Variants in FBLN5 observed in about 807,000 individuals in gnomAD.
The protein encoded by FBLN5 is fibulin-5.
Under a neutral mutation model 61.6 loss-of-function variants are expected in FBLN5, and 24 were observed. The ratio of observed to expected loss-of-function variants is 0.39; its 90% CI spans 0.28 to 0.55. The LOEUF (loss-of-function observed/expected upper bound fraction) is 0.55. FBLN5 is among the 20% of genes least tolerant of loss of function. The pLI, the probability that FBLN5 is intolerant of heterozygous loss-of-function variation, is 0.65. For synonymous variants in FBLN5, 213 were observed against 219.8 expected (o/e 0.97, Z 0.27); for missense variants, 470 against 594.1 (o/e 0.79, Z 2.17).
chr14:91,919,345 A>AAAAAG (rs2055685348), intron 4 of FBLN5, among the ~76,000 whole-genome samples: 1 of 113,246 alleles, frequency 8.8e-6, no homozygotes. Flanking sequence ...AAAAGAAAAA[A>AAAAAG]AAAAAGAAAA....
intron 4 of FBLN5, among the ~76,000 whole-genome samples, chr14:91,916,322 C>T (rs1367630698): frequency 6.6e-6 from 1 of 152,152 alleles, no homozygotes; most frequent in East Asian, 1.9e-4. Flanking sequence ...GTGGCCGGTG[C>T]CTGTAATCCC....
chr14:91,899,604 A>G (rs1890374806), intron 4 of FBLN5, among the ~76,000 whole-genome samples: 1 of 152,180 alleles, frequency 6.6e-6, no homozygotes, highest in African/African-American at 2.4e-5. Flanking sequence ...ATCAAAACCC[A>G]TCAATATCAC....
In FBLN5 at chr14:91,881,169, C is replaced by T. The variant is rs117828760; in HGVS notation, c.989+123G>A. 523 of 959,554 alleles carry T rather than the reference C, an allele frequency of 5.5e-4. 2 individuals carry two copies. The East Asian group carries it at 0.01, about 18-fold the overall frequency. The allele number at this position is 959,554 out of a possible 1,614,324, so 59.4% of individuals were successfully genotyped here. A position where few individuals can be genotyped will look rare whatever the true frequency, so the allele number is the denominator to read the frequency against. On this transcript the variant is annotated intron_variant, in intron 9 of 10. Coordinates refer to ENST00000342058, the MANE Select transcript of FBLN5 (RefSeq NM_006329.4). ...CACACACACACGCATGAGCACATGA[C>T]GTAGGTAGTAGGCCAGGTCCCCTCA...
At chr14:91,926,425 C>G (rs1295339508) in intron 4 of FBLN5, among the ~76,000 whole-genome samples, 1 of 152,142 alleles carries the variant, frequency 6.6e-6, no homozygotes, top group African/African-American at 2.4e-5. Flanking sequence ...CATGTGTCCA[C>G]AGAGGATGGC....
Position 91,894,402 on chromosome 14 carries a change from C to CAAAA in FBLN5, c.502+544_502+547dup, listed in dbSNP as rs58035118. ...TGGGCAACAGAGGGAGACACCATAT[C>CAAAA]AAAAAAAAAAAAAAAAAAAAAAAAA... On this transcript the variant is annotated intron_variant, in intron 5 of 10. Transcript: ENST00000342058. Among the ~76,000 whole-genome samples, 49 of 34,370 alleles carry CAAAA rather than the reference C, an allele frequency of 1.4e-3. 2 individuals are homozygous for CAAAA. Among genetic ancestry groups the CAAAA allele is most frequent in the African/African-American group, 2.1e-3 (18 of 8,502 alleles). 22.5% of individuals were successfully genotyped at this position (34,370 alleles called of 152,430 possible).
At position 91,910,507 on chromosome 14, in the gene FBLN5, T is replaced by C. The variant is rs1267293775; in HGVS notation, c.380-15435A>G. Among the ~76,000 whole-genome samples the C allele has an allele frequency of 3.3e-5, 5 of 152,212 alleles. No individual in the cohort carries two copies. In the South Asian group the frequency reaches 8.3e-4, roughly 25 times the overall value. ...ACTTGAAAACGGTCAAGATAATACA[T>C]TTCTTGTTACGCATTTTTACTACAA... On this transcript the variant is annotated intron_variant, in intron 4 of 10. Transcript: ENST00000342058.
At position 91,895,141 on chromosome 14, in the gene FBLN5, C is replaced by T. The variant is rs568557554; in HGVS notation, c.380-69G>A. 8.8e-6 allele frequency: 14 copies of T among 1,594,158 alleles called. No individual in the cohort carries two copies. The Admixed American group carries it at 1.3e-4, about 15-fold the overall frequency. The stretch of plus-strand genomic sequence containing the variant: ...TAGAGCCCTGGAGCCACCAGGGGTG[C>T]CAGTGGCTCATCTTGGCTGGGAGGC... On this transcript the variant is annotated intron_variant, in intron 4 of 10. Coordinates refer to ENST00000342058, the MANE Select transcript of FBLN5 (RefSeq NM_006329.4).
At chr14:91,891,046 C>T (rs958565721) in intron 6 of FBLN5, among the ~76,000 whole-genome samples, 175 bp downstream of exon 6, 4 of 152,174 alleles carry the variant, frequency 2.6e-5, no homozygotes, top group Admixed American at 6.5e-5. Context: ...TGAGATGCTT[C>T]GCATAGCAAG....
rs1408560355 is a variant in FBLN5, at chr14:91,869,954, C to G, written c.*270G>C. ...GAAAATAGTGGAAATAAACTGAAGG[C>G]CTTGAAAATTCACCAACAATCTTCT... On this transcript the variant is annotated 3_prime_UTR_variant, in exon 11 of 11. Transcript: ENST00000342058. The G allele has an allele frequency of 4.2e-6, 2 of 474,314 alleles. No homozygotes were observed. The highest frequency in any genetic ancestry group is 4.2e-5 in the East Asian group (1 of 23,928). 29.4% of individuals were successfully genotyped at this position (474,314 alleles called of 1,614,324 possible).
Position 91,870,256 on chromosome 14 carries a change from G to A in FBLN5, c.1315C>T (p.Leu439=). The A allele has an allele frequency of 6.2e-7, 1 of 1,614,246 alleles. No homozygotes were observed. The highest frequency in any genetic ancestry group is 8.5e-7 in the Non-Finnish European group (1 of 1,180,034). ...GGGTACTGCGACACATATATCCGCA[G>A]TCGGATCACGGAGCTGCCTCTGAAG... ...INFRGSSVIR[L]RIYVSQYPF is the part of the protein sequence containing the mutation. The change falls in exon 11 of 11, where the codon CTG becomes TTG. Residue 439 remains leucine (L), a synonymous_variant. Transcript: ENST00000342058.
At chr14:91,879,814 C>G (rs947637541) in intron 9 of FBLN5, among the ~76,000 whole-genome samples, 5 of 152,212 alleles carry the variant, frequency 3.3e-5, no homozygotes, top group African/African-American at 1.2e-4. Context: ...CCATGAATTC[C>G]TCTCTTAGAG....
At position 91,914,089 on chromosome 14, in the gene FBLN5, T is replaced by G. The variant is rs553390602; in HGVS notation, c.380-19017A>C. 2.0e-5 allele frequency among the ~76,000 whole-genome samples: 3 copies of G among 152,338 alleles called. No homozygotes were observed. In the South Asian group the frequency reaches 6.2e-4, roughly 32 times the overall value. ...CATGCACAGTTGCTCATATCTGTAA[T>G]CCTAGCACTTTGGGAGGCCAAGGCA... On this transcript the variant is annotated intron_variant, in intron 4 of 10. Coordinates refer to ENST00000342058, the MANE Select transcript of FBLN5 (RefSeq NM_006329.4).
At chr14:91,907,094 CAACCAAA>C (rs1267687638) in intron 4 of FBLN5, among the ~76,000 whole-genome samples, 1 of 152,196 alleles carries the variant, frequency 6.6e-6, no homozygotes, top group Non-Finnish European at 1.5e-5. Flanking sequence ...TCTATTCTCC[CAACCAAA>C]GACTGCATTT....
chr14:91,928,357 G>T (rs2055864087), intron 4 of FBLN5, among the ~76,000 whole-genome samples: 2 of 152,172 alleles, frequency 1.3e-5, no homozygotes, highest in Admixed American at 1.3e-4. Context: ...AACCTGTTTG[G>T]CAGACTGCTA....
At chr14:91,896,821 C>T (rs1321001055) in intron 4 of FBLN5, among the ~76,000 whole-genome samples, 7 of 152,212 alleles carry the variant, frequency 4.6e-5, no homozygotes, top group Admixed American at 4.6e-4. Flanking sequence ...AGATTGCAGA[C>T]TTGATCATCA....
Position 91,940,498 on chromosome 14 carries a change from G to T in FBLN5, c.124+67C>A, listed in dbSNP as rs968827105. ...GGCTAATCATTGAACAACAGAGAAA[G>T]AAATAAATAGCACTGCAACTGGGCT... On this transcript the variant is annotated intron_variant, in intron 3 of 10. Coordinates refer to ENST00000342058, the MANE Select transcript of FBLN5 (RefSeq NM_006329.4). 3.1e-6 allele frequency: 4 copies of T among 1,296,746 alleles called. No homozygotes were observed. In the African/African-American group the frequency reaches 4.4e-5, roughly 14 times the overall value. 80.3% of individuals were successfully genotyped at this position (1,296,746 alleles called of 1,614,324 possible).
intron 4 of FBLN5, among the ~76,000 whole-genome samples, chr14:91,904,858 T>G (rs1208251300): frequency 2.6e-5 from 4 of 152,218 alleles, no homozygotes; most frequent in Admixed American, 6.5e-5. Context: ...GTGCTTGGCC[T>G]GATGGAGTAA....
At chr14:91,902,281 G>GTTT (rs1555376457) in intron 4 of FBLN5, among the ~76,000 whole-genome samples, 5 of 29,070 alleles carry the variant, frequency 1.7e-4, no homozygotes, top group African/African-American at 2.1e-4. Context: ...TTGTTTGTTT[G>GTTT]TTTTTTTTTT....
chr14:91,921,558 C>T (rs1488719187), intron 4 of FBLN5, among the ~76,000 whole-genome samples: 1 of 152,214 alleles, frequency 6.6e-6, no homozygotes, highest in Non-Finnish European at 1.5e-5. Flanking sequence ...AAAGACCCCA[C>T]CCCAGACCTA....
Sources: gnomAD v4.1 joint callset for allele counts (sites outside exome capture counted in the v4.1 genomes callset) on GRCh38, gnomAD v4.1.1 for gene constraint, MANE v1.5 for transcripts, NCBI Gene and HGNC (gene_info 2026-07-23, HGNC 2026-07-21) for gene names.